The following VAV3 variants were observed in gnomAD, a reference collection of about 807,000 sequenced individuals.
VAV3 encodes vav guanine nucleotide exchange factor 3, also known as guanine nucleotide exchange factor VAV3.
In VAV3, 94 loss-of-function variants were observed where a neutral mutation model predicts 131.2. That is an observed-to-expected ratio of 0.72 (90% CI 0.61 to 0.85). VAV3 has a LOEUF of 0.85. Ranked by LOEUF, VAV3 falls within the 40% of genes least tolerant of loss-of-function variation. The pLI, the probability that VAV3 is intolerant of heterozygous loss-of-function variation, is 0.00. For synonymous variants in VAV3, 349 were observed against 342.0 expected (o/e 1.02, Z -0.22); for missense variants, 939 against 1,002.7 (o/e 0.94, Z 0.86).
Position 107,749,037 on chromosome 1 carries a change from T to C in VAV3, c.1433A>G (p.Asn478Ser), listed in dbSNP as rs1255327035. The change falls in exon 15 of 27, where the codon AAT (asparagine) becomes AGT (serine). Residue 478 changes from asparagine to serine, a missense_variant. By Grantham distance (46) the Asn-to-Ser change is conservative. Coordinates refer to ENST00000370056, the MANE Select transcript of VAV3 (RefSeq NM_006113.5). ...GFYLIHTQGQ[N>S]GLEFYCKTKD... ...TGTTTTGCAATAAAATTCTAACCCA[T>C]TTTGTCCTTGGGTATGGATGAGGTA... The C allele has an allele frequency of 1.2e-6, 2 of 1,612,422 alleles. No individual in the cohort carries two copies. The highest frequency in any genetic ancestry group is 1.7e-6 in the Non-Finnish European group (2 of 1,179,306).
chr1:107,759,098 G>T (rs1380002040), intron 10 of VAV3, among the ~76,000 whole-genome samples: 2 of 151,966 alleles, frequency 1.3e-5, no homozygotes, highest in Non-Finnish European at 2.9e-5. Context: ...CTATCATATT[G>T]TGTTATACTT....
At chr1:107,884,545 A>C (rs1159658604) in intron 1 of VAV3, among the ~76,000 whole-genome samples, 2 of 151,524 alleles carry the variant, frequency 1.3e-5, no homozygotes, top group African/African-American at 4.8e-5. Flanking sequence ...TCATGTGCTC[A>C]AGTGATCCTC....
intron 21 of VAV3, among the ~76,000 whole-genome samples, chr1:107,615,096 GTAATA>G (rs1355387925): frequency 1.3e-4 from 20 of 152,102 alleles, no homozygotes; most frequent in African/African-American, 4.3e-4. Context: ...AGACTGTAAT[GTAATA>G]TAAGACAAAA....
At chr1:107,651,068 G>A (rs1656132456) in intron 19 of VAV3, among the ~76,000 whole-genome samples, 1 of 152,082 alleles carries the variant, frequency 6.6e-6, no homozygotes, top group Non-Finnish European at 1.5e-5. Flanking sequence ...TCCTGCCCTT[G>A]TAAAAGAGGC....
intron 19 of VAV3, among the ~76,000 whole-genome samples, chr1:107,643,505 C>T (rs768605333): frequency 2.4e-4 from 36 of 152,128 alleles, no homozygotes; most frequent in Non-Finnish European, 4.7e-4. Flanking sequence ...CAATGGACAA[C>T]CTCACAGTCA....
chr1:107,930,982 A>C (rs1673406831), intron 1 of VAV3, among the ~76,000 whole-genome samples: 1 of 152,218 alleles, frequency 6.6e-6, no homozygotes, highest in African/African-American at 2.4e-5. Context: ...ACAAATACAG[A>C]ATGTGAAATA....
chr1:107,729,009 C>T (rs1044768150), intron 15 of VAV3, among the ~76,000 whole-genome samples: 1 of 152,080 alleles, frequency 6.6e-6, no homozygotes, highest in Admixed American at 6.6e-5. Flanking sequence ...TTTTCTCAGT[C>T]TGAAAGATGT....
intron 22 of VAV3, 57 bp downstream of exon 22, chr1:107,609,873 TC>T (rs1322657061): frequency 1.3e-6 from 2 of 1,556,524 alleles, no homozygotes; most frequent in Non-Finnish European, 1.8e-6. Flanking sequence ...ATTTAAGGCA[TC>T]CTGGAGCTAA....
At chr1:107,940,479 A>C (rs955573834) in intron 1 of VAV3, among the ~76,000 whole-genome samples, 1 of 152,226 alleles carries the variant, frequency 6.6e-6, no homozygotes, top group Non-Finnish European at 1.5e-5. Flanking sequence ...AAGATAGAGA[A>C]GGTTCTACAA....
intron 10 of VAV3, among the ~76,000 whole-genome samples, chr1:107,758,109 A>G (rs970378973): frequency 6.6e-6 from 1 of 152,136 alleles, no homozygotes; most frequent in Non-Finnish European, 1.5e-5. Flanking sequence ...TTATTGAATG[A>G]TGGCACTTCC....
chr1:107,732,361 T>C (rs556077227), intron 15 of VAV3, among the ~76,000 whole-genome samples: 5 of 152,156 alleles, frequency 3.3e-5, no homozygotes, highest in South Asian at 2.1e-4. Context: ...CTGGGACTGG[T>C]TGGACAGTGG....
intron 2 of VAV3, among the ~76,000 whole-genome samples, chr1:107,851,301 C>A (rs1298375150): frequency 6.7e-6 from 1 of 149,952 alleles, no homozygotes; most frequent in Non-Finnish European, 1.5e-5. Context: ...ATCATCTGGC[C>A]TTAAACAAAT....
intron 2 of VAV3, among the ~76,000 whole-genome samples, chr1:107,822,530 C>T (rs1011634308): frequency 2.8e-4 from 42 of 151,966 alleles, no homozygotes; most frequent in African/African-American, 9.7e-4. Flanking sequence ...TGGCGGGTGC[C>T]TGTAGTCCCA....
At chr1:107,763,144 T>C (rs1664533698) in intron 9 of VAV3, among the ~76,000 whole-genome samples, 1 of 152,226 alleles carries the variant, frequency 6.6e-6, no homozygotes, top group Non-Finnish European at 1.5e-5. Flanking sequence ...ACTGAGTATT[T>C]GTTGAAGTGT....
At chr1:107,730,988 T>C (rs1341056750) in intron 15 of VAV3, among the ~76,000 whole-genome samples, 2 of 152,174 alleles carry the variant, frequency 1.3e-5, no homozygotes, top group African/African-American at 4.8e-5. Context: ...AAAGGAATAA[T>C]ACCTTCTTAG....
Position 107,747,357 on chromosome 1 carries a change from A to T in VAV3, c.1502+1611T>A, listed in dbSNP as rs576654366. On this transcript the variant is annotated intron_variant, in intron 15 of 26. Transcript: ENST00000370056. ...AAGATTATATAGCCAAACGAAACCC[A>T]TAAAAAAAAAAGCCTAGCATATAAG... 5.9e-5 allele frequency among the ~76,000 whole-genome samples: 9 copies of T among 152,236 alleles called. No individual in the cohort carries two copies. In the South Asian group the frequency reaches 1.9e-3, roughly 32 times the overall value.
intron 19 of VAV3, chr1:107,668,634 A>T (rs889082946): frequency 3.0e-6 from 3 of 985,280 alleles, no homozygotes; most frequent in Admixed American, 1.2e-4. Context: ...GCAAACCATC[A>T]ACTTTTTCCT....
chr1:107,818,815 C>T (rs1667667447), intron 2 of VAV3, among the ~76,000 whole-genome samples: 1 of 152,144 alleles, frequency 6.6e-6, no homozygotes, highest in African/African-American at 2.4e-5. Context: ...TTCAGTCCCC[C>T]CACCAGGTCC....
chr1:107,682,875 A>T (rs1019185704), intron 19 of VAV3, among the ~76,000 whole-genome samples: 14 of 152,216 alleles, frequency 9.2e-5, no homozygotes, highest in African/African-American at 3.4e-4. Flanking sequence ...TTTGGTAATT[A>T]AACTGTGGAA....
Sources: gnomAD v4.1 joint callset for allele counts (sites outside exome capture counted in the v4.1 genomes callset) on GRCh38, gnomAD v4.1.1 for gene constraint, MANE v1.5 for transcripts, NCBI Gene and HGNC (gene_info 2026-07-23, HGNC 2026-07-21) for gene names.